Variants in CDH12 observed in about 807,000 individuals in gnomAD.
CDH12 encodes cadherin 12, also known as cadherin-12.
Under a neutral mutation model 74.1 loss-of-function variants are expected in CDH12, and 41 were observed. That is an observed-to-expected ratio of 0.55 (90% CI 0.43 to 0.72). CDH12 has a LOEUF of 0.72. Among genes scored for constraint, CDH12 ranks in the 30% least tolerant of loss-of-function variants. The pLI, the probability that CDH12 is intolerant of heterozygous loss-of-function variation, is 0.00. For synonymous variants in CDH12, 399 were observed against 355.0 expected (o/e 1.12, Z -1.39); for missense variants, 945 against 977.2 (o/e 0.97, Z 0.44).
At chr5:22,108,973 G>A (rs2150258263) in intron 4 of CDH12, among the ~76,000 whole-genome samples, 1 of 152,116 alleles carries the variant, frequency 6.6e-6, no homozygotes, top group East Asian at 1.9e-4. Flanking sequence ...TGCATATTTT[G>A]AAAAAGAAAA....
chr5:22,353,057 G>T (rs1040922480), intron 3 of CDH12, among the ~76,000 whole-genome samples: 9 of 152,042 alleles, frequency 5.9e-5, no homozygotes, highest in African/African-American at 2.2e-4. Flanking sequence ...CATGATTCTG[G>T]ATTACCATGA....
chr5:22,836,598 T>A (rs946484221), intron 1 of CDH12, among the ~76,000 whole-genome samples: 5 of 152,044 alleles, frequency 3.3e-5, no homozygotes, highest in African/African-American at 1.2e-4. Flanking sequence ...TGGACAAAAT[T>A]TTATTGAAAT....
rs1416650794 is a variant in CDH12 at position 22,801,680 on chromosome 5, TATATAC to T, written c.-523+51372_-523+51377del. Among the ~76,000 whole-genome samples the T allele has an allele frequency of 2.9e-3, 253 of 88,172 alleles. 9 individuals carry two copies. The highest frequency in any genetic ancestry group is 0.013 in the African/African-American group (221 of 16,546). 57.8% of individuals were successfully genotyped at this position (88,172 alleles called of 152,430 possible). On this transcript the variant is annotated intron_variant, in intron 1 of 14. Transcript: ENST00000382254. ...ATATATATATATATATATATATATA[TATATAC>T]ACTTTGTTTAATAGGGAGAACACAT...
At position 22,659,162 on chromosome 5, in the gene CDH12, T is replaced by C. The variant is rs17277829; in HGVS notation, c.-522-153798A>G. Among the ~76,000 whole-genome samples, 945 of 152,228 alleles carry C rather than the reference T, an allele frequency of 6.2e-3. 2 individuals carry two copies. Among genetic ancestry groups the C allele is most frequent in the Non-Finnish European group, 9.6e-3 (655 of 67,984 alleles). On this transcript the variant is annotated intron_variant, in intron 1 of 14. Coordinates refer to ENST00000382254, the MANE Select transcript of CDH12 (RefSeq NM_004061.5). Reference sequence around the variant, plus strand: ...AAACAGATGTTTTCCATATGTTGAATAGAAGAAACCTCAGCCACATTTTAA... The same window carrying C: ...AAACAGATGTTTTCCATATGTTGAACAGAAGAAACCTCAGCCACATTTTAA...
At chr5:22,753,873 C>A (rs910027137) in intron 1 of CDH12, among the ~76,000 whole-genome samples, 1 of 151,986 alleles carries the variant, frequency 6.6e-6, no homozygotes, top group South Asian at 2.1e-4. Context: ...TAACAAAAAC[C>A]AAAGAAATAA....
At chr5:22,722,376 T>C (rs527250917) in intron 1 of CDH12, among the ~76,000 whole-genome samples, 1 of 152,230 alleles carries the variant, frequency 6.6e-6, no homozygotes, top group Non-Finnish European at 1.5e-5. Context: ...CAAAGCCACG[T>C]TGTGGCACTC....
At chr5:22,357,731 C>A (rs1451669758) in intron 3 of CDH12, among the ~76,000 whole-genome samples, 1 of 151,718 alleles carries the variant, frequency 6.6e-6, no homozygotes, top group Non-Finnish European at 1.5e-5. Context: ...AGATTTTTCC[C>A]AAAAAAATGA....
Position 22,212,555 on chromosome 5 carries a change from G to A in CDH12, c.-244C>T. The A allele has an allele frequency of 1.0e-5, 10 of 985,520 alleles. No homozygotes were observed. Among genetic ancestry groups the A allele is most frequent in the Non-Finnish European group, 1.2e-5 (10 of 829,678 alleles). The allele number at this position is 985,520 out of a possible 1,614,324, so 61.0% of individuals were successfully genotyped here. On this transcript the variant is annotated 5_prime_UTR_variant, in exon 4 of 15. Coordinates refer to ENST00000382254, the MANE Select transcript of CDH12 (RefSeq NM_004061.5). ...GAAATCCGTCAAATCAACCGTGAAT[G>A]GGGTGGGGAGATCGAAGTTTTCAAT... is the stretch of plus-strand genomic sequence containing the variant.
intron 9 of CDH12, among the ~76,000 whole-genome samples, chr5:21,807,283 C>A (rs1747482076): frequency 6.6e-6 from 1 of 152,090 alleles, no homozygotes; most frequent in African/African-American, 2.4e-5. Context: ...TAGTCCCTTG[C>A]CCACCAAACT....
intron 6 of CDH12, among the ~76,000 whole-genome samples, chr5:21,929,542 G>A (rs1391042772): frequency 2.6e-5 from 4 of 152,040 alleles, no homozygotes. Flanking sequence ...CAAGTTACCA[G>A]GGTCTTGCTC....
At chr5:22,300,372 CT>C (rs1737828004) in intron 3 of CDH12, among the ~76,000 whole-genome samples, 1 of 152,148 alleles carries the variant, frequency 6.6e-6, no homozygotes, top group Admixed American at 6.5e-5. Flanking sequence ...TTTAAAAAGA[CT>C]GTCTAATATT....
At chr5:21,861,108 C>CA (rs1751021231) in intron 6 of CDH12, among the ~76,000 whole-genome samples, 1 of 151,940 alleles carries the variant, frequency 6.6e-6, no homozygotes, top group Admixed American at 6.6e-5. Context: ...CACTGCGGAT[C>CA]AAAAATCAGA....
rs538775502 is a variant in CDH12, at chr5:22,778,186, A to G, written c.-523+74872T>C. Among the ~76,000 whole-genome samples, 8 of 152,308 alleles carry G rather than the reference A, an allele frequency of 5.3e-5. No individual in the cohort carries two copies. In the South Asian group the frequency reaches 1.7e-3, roughly 32 times the overall value. Reference sequence around the variant, plus strand: ...GCTATAAAACTTTTAAAATGTGGATAATGTTTTCATTCAGTTTGTTGTTGT... The same window carrying G: ...GCTATAAAACTTTTAAAATGTGGATGATGTTTTCATTCAGTTTGTTGTTGT... On this transcript the variant is annotated intron_variant, in intron 1 of 14. Coordinates refer to ENST00000382254, the MANE Select transcript of CDH12 (RefSeq NM_004061.5).
At chr5:21,821,479 C>T (rs1748368517) in intron 8 of CDH12, among the ~76,000 whole-genome samples, 1 of 151,716 alleles carries the variant, frequency 6.6e-6, no homozygotes. Context: ...TACAAACTCA[C>T]TTTTGAAATA....
chr5:22,817,617 ACT>A (rs1182717855), intron 1 of CDH12, among the ~76,000 whole-genome samples: 3 of 152,032 alleles, frequency 2.0e-5, no homozygotes, highest in Non-Finnish European at 2.9e-5. Context: ...TTTATCTTTG[ACT>A]CTATTCAAAA....
intron 12 of CDH12, 144 bp downstream of exon 12, chr5:21,764,834 T>C (rs1193689952): frequency 2.6e-6 from 2 of 760,182 alleles, no homozygotes; most frequent in Non-Finnish European, 4.4e-6. Context: ...TCACAAGAGT[T>C]TAATTAATCT....
intron 4 of CDH12, among the ~76,000 whole-genome samples, chr5:22,165,552 G>T (rs1391614110): frequency 6.6e-6 from 1 of 151,708 alleles, no homozygotes; most frequent in Non-Finnish European, 1.5e-5. Flanking sequence ...AGCATTTGTG[G>T]TCAACACTCT....
intron 8 of CDH12, among the ~76,000 whole-genome samples, chr5:21,833,164 T>TTA (rs1184478841): frequency 2.1e-5 from 1 of 47,680 alleles, no homozygotes; most frequent in Non-Finnish European, 3.0e-5. Context: ...ATAATATATA[T>TTA]TATATTATAA....
At chr5:22,054,275 GT>G (rs1424373469) in intron 5 of CDH12, among the ~76,000 whole-genome samples, 3 of 152,032 alleles carry the variant, frequency 2.0e-5, no homozygotes, top group African/African-American at 7.2e-5. Flanking sequence ...TTCTATAAAA[GT>G]TATAGGTATT....
Sources: gnomAD v4.1 joint callset for allele counts (sites outside exome capture counted in the v4.1 genomes callset) on GRCh38, gnomAD v4.1.1 for gene constraint, MANE v1.5 for transcripts, NCBI Gene and HGNC (gene_info 2026-07-23, HGNC 2026-07-21) for gene names.